The following DARS1 variants were observed in gnomAD, a reference collection of about 807,000 sequenced individuals.
DARS1 encodes aspartyl-tRNA synthetase 1, also known as aspartate--tRNA ligase, cytoplasmic.
Under a neutral mutation model 68.8 loss-of-function variants are expected in DARS1, and 51 were observed. That is an observed-to-expected ratio of 0.74 (90% CI 0.59 to 0.94). DARS1 has a LOEUF of 0.94. Ranked by LOEUF, DARS1 falls within the 40% of genes least tolerant of loss-of-function variation. The pLI is 0.00. For missense variants in DARS1, 607 were observed against 597.3 expected, an observed-to-expected ratio of 1.02 and a Z score of -0.17; for synonymous variants, 203 against 190.4, an observed-to-expected ratio of 1.07 and a Z score of -0.55.
chr2:135,969,887 T>C (rs1017545517), intron 3 of DARS1, among the ~76,000 whole-genome samples: 2 of 152,212 alleles, frequency 1.3e-5, no homozygotes, highest in African/African-American at 4.8e-5. Flanking sequence ...CCTTCTTTTG[T>C]GTGTGTTTCT....
chr2:135,912,662 T>C (rs1680921109), intron 12 of DARS1, 96 bp from the exon 13 acceptor site: 1 of 543,302 alleles, frequency 1.8e-6, no homozygotes, highest in South Asian at 2.9e-5. Flanking sequence ...TGGTTCTTCG[T>C]AATTACTCTA....
rs549195253 is a variant in DARS1 at position 135,982,361 on chromosome 2, G to A, written c.124+1036C>T. ...TGTAATCCTAGCACTTTGGGAGGCC[G>A]AGGTGGGTGGATTGCCTTGAGTTCA... On this transcript the variant is annotated intron_variant, in intron 2 of 15. Transcript: ENST00000264161. Among the ~76,000 whole-genome samples the A allele has an allele frequency of 4.6e-5, 7 of 152,162 alleles. No homozygotes were observed. The South Asian group carries it at 1.5e-3, about 32-fold the overall frequency.
chr2:135,956,503 GGTTA>G (rs1185654244), intron 4 of DARS1, among the ~76,000 whole-genome samples: 5 of 152,104 alleles, frequency 3.3e-5, no homozygotes, highest in Non-Finnish European at 7.4e-5. Flanking sequence ...GGATGACAGG[GGTTA>G]TAGTTAAAGC....
At position 135,907,242 on chromosome 2, in the gene DARS1, CTTTTTTTTTT is replaced by C; in HGVS notation, c.*64_*73del. On this transcript the variant is annotated 3_prime_UTR_variant, in exon 16 of 16. Coordinates refer to ENST00000264161, the MANE Select transcript of DARS1 (RefSeq NM_001349.4). Reference sequence around the variant, plus strand: ...TACTGAAAAGAATAAGTGTGGCTTTCTTTTTTTTTTTTTTTTTTTGAGGCAGGGTCTCGCT... The same window carrying C: ...TACTGAAAAGAATAAGTGTGGCTTTCTTTTTTTTTGAGGCAGGGTCTCGCT... 1 of 450,622 alleles carries C rather than the reference CTTTTTTTTTT, an allele frequency of 2.2e-6. No homozygotes were observed. Among genetic ancestry groups the C allele is most frequent in the Non-Finnish European group, 3.5e-6 (1 of 286,092 alleles). The allele number at this position is 450,622 out of a possible 1,614,324, so 27.9% of individuals were successfully genotyped here. A position where few individuals can be genotyped will look rare whatever the true frequency, so the allele number is the denominator to read the frequency against.
At chr2:135,915,702 A>AAT (rs1680990708) in intron 11 of DARS1, among the ~76,000 whole-genome samples, 1 of 152,096 alleles carries the variant, frequency 6.6e-6, no homozygotes, top group African/African-American at 2.4e-5. Context: ...CTATATAAAC[A>AAT]ATATTGACTT....
At chr2:135,937,557 C>T (rs961982993) in intron 5 of DARS1, among the ~76,000 whole-genome samples, 4 of 152,032 alleles carry the variant, frequency 2.6e-5, no homozygotes, top group East Asian at 1.9e-4. Context: ...AGTACATCAT[C>T]GTTAGTTGAT....
chr2:135,961,514 A>G lies in DARS1; in HGVS notation c.218-16T>C. 1 of 1,178,828 alleles carries G rather than the reference A, an allele frequency of 8.5e-7. No homozygotes were observed. The highest frequency in any genetic ancestry group is 1.3e-6 in the Non-Finnish European group (1 of 781,856). 73.0% of individuals were successfully genotyped at this position (1,178,828 alleles called of 1,614,324 possible). A position where few individuals can be genotyped will look rare whatever the true frequency, so the allele number is the denominator to read the frequency against. ...CACTGTTTCCCTGAAAAAGACAGAA[A>G]GAACACAAATGTATTAAGGACACGC... On this transcript the variant is annotated splice_polypyrimidine_tract_variant and intron_variant, in intron 3 of 15. Coordinates refer to ENST00000264161, the MANE Select transcript of DARS1 (RefSeq NM_001349.4).
At chr2:135,924,322 T>A in intron 8 of DARS1, 65 bp downstream of exon 8, 1 of 1,449,350 alleles carries the variant, frequency 6.9e-7, no homozygotes, top group Non-Finnish European at 9.1e-7. Context: ...ATTTTATTAA[T>A]ATAAAGCAAC....
At chr2:135,943,280 A>G in intron 5 of DARS1, 98 bp downstream of exon 5, 1 of 1,469,556 alleles carries the variant, frequency 6.8e-7, no homozygotes, top group Admixed American at 2.3e-5. Flanking sequence ...AAACCTCAGT[A>G]TTTTACATTA....
chr2:135,964,046 T>A (rs1682160054), intron 3 of DARS1, among the ~76,000 whole-genome samples: 1 of 152,210 alleles, frequency 6.6e-6, no homozygotes, highest in Non-Finnish European at 1.5e-5. Flanking sequence ...TATCATTCCT[T>A]TTTCACAGCT....
intron 7 of DARS1, among the ~76,000 whole-genome samples, chr2:135,927,107 A>G (rs1681236209): frequency 6.6e-6 from 1 of 152,202 alleles, no homozygotes; most frequent in African/African-American, 2.4e-5. Context: ...TTATAGACTC[A>G]TTTTAAAACT....
chr2:135,942,728 G>A (rs1206973913), intron 5 of DARS1, among the ~76,000 whole-genome samples: 1 of 152,090 alleles, frequency 6.6e-6, no homozygotes, highest in African/African-American at 2.4e-5. Context: ...CTTATAGCAA[G>A]ATAGGTCCAT....
At chr2:135,942,995 GTC>G (rs780700723) in intron 5 of DARS1, among the ~76,000 whole-genome samples, 12 of 152,302 alleles carry the variant, frequency 7.9e-5, no homozygotes, top group East Asian at 5.8e-4. Context: ...CTTGAAAAGT[GTC>G]TGTTCTTAGG....
intron 3 of DARS1, among the ~76,000 whole-genome samples, chr2:135,963,792 G>C (rs1447382634): frequency 6.6e-6 from 1 of 151,508 alleles, no homozygotes; most frequent in Non-Finnish European, 1.5e-5. Flanking sequence ...CAATTCTCCT[G>C]TCTCAGCCTC....
chr2:135,913,019 C>T (rs1340583032), intron 12 of DARS1, among the ~76,000 whole-genome samples: 1 of 151,846 alleles, frequency 6.6e-6, no homozygotes, highest in Non-Finnish European at 1.5e-5. Flanking sequence ...AGCCACAGTG[C>T]CAGGCCTACG....
chr2:135,916,279 T>C lies in DARS1; in HGVS notation c.1053A>G (p.Ala351=), dbSNP rs1166552754. The C allele has an allele frequency of 1.3e-6, 2 of 1,572,662 alleles. No homozygotes were observed. Among genetic ancestry groups the C allele is most frequent in the Non-Finnish European group, 1.8e-6 (2 of 1,142,242 alleles). Residue 351 remains alanine (A), a synonymous_variant, in exon 11 of 16, where the codon GCA becomes GCG. Transcript: ENST00000264161. ...EPTLRLEYCE[A]LAMLREAGVE... is the part of the protein sequence containing the mutation. ...CTCCAGCTTCCCTAAGCATAGCCAA[T>C]GCTTCACAATATTCTAGTCTTAGAG...
chr2:135,965,478 GGTAATGCAA>G lies in DARS1; in HGVS notation c.218-3989_218-3981del, dbSNP rs573660405. Among the ~76,000 whole-genome samples the G allele has an allele frequency of 1.4e-4, 21 of 152,210 alleles. No homozygotes were observed. In the East Asian group the frequency reaches 3.7e-3, roughly 27 times the overall value. ...ACCGTATAAGGAAAAAAATGTTACT[GGTAATGCAA>G]GTAATGCAAGTTGAAGCAAACAACG... On this transcript the variant is annotated intron_variant, in intron 3 of 15. Transcript: ENST00000264161.
Position 135,985,508 on chromosome 2 carries a change from C to CA in DARS1, c.-41dup. On this transcript the variant is annotated 5_prime_UTR_variant, in exon 1 of 16. Coordinates refer to ENST00000264161, the MANE Select transcript of DARS1 (RefSeq NM_001349.4). ...GGGCAGTGGACACCACCCTCCCTCG[C>CA]AGGCTTCCGTAAGGCAGGCCAAAGG... 6.2e-7 allele frequency: 1 copy of CA among 1,613,920 alleles called. No homozygotes were observed. The highest frequency in any genetic ancestry group is 1.6e-4 in the Middle Eastern group (1 of 6,062).
intron 12 of DARS1, among the ~76,000 whole-genome samples, 163 bp downstream of exon 12, chr2:135,914,306 T>C (rs1486968231): frequency 6.6e-6 from 1 of 152,240 alleles, no homozygotes; most frequent in Non-Finnish European, 1.5e-5. Context: ...TGAATATTTC[T>C]CAATTTTCTA....
Sources: allele counts gnomAD v4.1 joint callset (sites outside exome capture counted in the v4.1 genomes callset), GRCh38; gene constraint gnomAD v4.1.1; transcripts MANE v1.5; gene names NCBI Gene and HGNC (gene_info 2026-07-23, HGNC 2026-07-21).